DDX3X: variants seen among roughly 807,000 people sequenced by gnomAD.
The protein encoded by DDX3X is ATP-dependent RNA helicase DDX3X.
DDX3X carries 4 observed loss-of-function variants against 52.7 expected under a neutral mutation model. The observed-to-expected ratio is 0.08, with a 90% CI of 0.04 to 0.17. The LOEUF is 0.17. Ranked by LOEUF, DDX3X falls within the 10% of genes least tolerant of loss-of-function variation. DDX3X has a pLI of 1.00. For synonymous variants in DDX3X, 192 were observed against 178.1 expected, an observed-to-expected ratio of 1.08 and a Z score of -0.62; for missense variants, 222 against 548.6, an observed-to-expected ratio of 0.40 and a Z score of 5.95.
chrX:41,344,113 C>T lies in DDX3X; in HGVS notation c.849C>T (p.Tyr283=), dbSNP rs755636737. 28 of 1,200,958 alleles carry T rather than the reference C, an allele frequency of 2.3e-5. No individual in the cohort carries two copies. Among genetic ancestry groups the T allele is most frequent in the South Asian group, 1.1e-4 (6 of 55,320 alleles). The change falls in exon 9 of 17, where the codon TAC becomes TAT. Residue 283 remains tyrosine, a synonymous_variant. Transcript: ENST00000644876. ...CGAGAGAGTTGGCAGTACAGATCTA[C>T]GAGGAAGCCAGAAAAGTAAGTATGA... The part of the protein sequence containing the change: ...APTRELAVQI[Y]EEARKFSYRS...
chrX:41,363,490 A>C (rs1351875955), intron 5 of DDX3X, among the ~76,000 whole-genome samples: 1 of 106,682 alleles, frequency 9.4e-6, no homozygotes, highest in Non-Finnish European at 1.9e-5. Context: ...CTGTCACAAA[A>C]AATATAACTC....
intron 1 of DDX3X, 109 bp downstream of exon 1, chrX:41,334,406 T>A: frequency 8.8e-7 from 1 of 1,132,057 alleles, no homozygotes; most frequent in Non-Finnish European, 1.2e-6. Flanking sequence ...ATTTTCTGGG[T>A]GCCCCGGGCT....
At chrX:41,359,406 G>A (rs1300270770) in intron 5 of DDX3X, among the ~76,000 whole-genome samples, 1 of 107,238 alleles carries the variant, frequency 9.3e-6, no homozygotes, top group Non-Finnish European at 1.9e-5. Flanking sequence ...CTTGAGACCA[G>A]CCTGGCCAAC....
In DDX3X at chrX:41,342,563, A is replaced by T; in HGVS notation, c.353A>T (p.Lys118Ile). ...GSRGDRSGFGKFERGGNSRWC... is the reference protein window; with the variant it reads ...GSRGDRSGFGIFERGGNSRWC... ...CGTGGTGACAGAAGTGGCTTTGGCA[A>T]ATTTGAACGTGGTGGAAACAGTCGC... Residue 118 changes from lysine to isoleucine, a missense_variant, in exon 5 of 17, where the codon AAA becomes ATA. Physicochemically the swap from Lys to Ile is moderately radical, Grantham distance 102 (BLOSUM62 -3). Coordinates refer to ENST00000644876, the MANE Select transcript of DDX3X (RefSeq NM_001356.5). 8.3e-7 allele frequency: 1 copy of T among 1,211,964 alleles called. No homozygotes were observed. Among genetic ancestry groups the T allele is most frequent in the Non-Finnish European group, 1.1e-6 (1 of 895,543 alleles).
At chrX:41,358,156 C>A (rs2064016466) in intron 5 of DDX3X, among the ~76,000 whole-genome samples, 1 of 98,807 alleles carries the variant, frequency 1.0e-5, no homozygotes, top group African/African-American at 3.8e-5. Context: ...CTGCTCACCG[C>A]AACCTCCACC....
At chrX:41,334,999 G>A (rs1405341476) in intron 1 of DDX3X, 6 of 108,209 alleles carry the variant, frequency 5.5e-5, no homozygotes, top group African/African-American at 2.1e-4. Flanking sequence ...GGGGCCCTGC[G>A]CCGCAGCCGG....
intron 1 of DDX3X, 145 bp downstream of exon 1, chrX:41,334,442 T>C (rs377731877): frequency 4.5e-5 from 50 of 1,117,312 alleles, no homozygotes; most frequent in African/African-American, 3.5e-4. Context: ...CCCGGGGCTA[T>C]AGAGGGATAG....
chrX:41,354,690 A>G, downstream of DDX3X, among the ~76,000 whole-genome samples: 1 of 111,031 alleles, frequency 9.0e-6, no homozygotes, highest in East Asian at 2.8e-4. Context: ...ACCCCTGACA[A>G]CTACTTGTCT....
chrX:41,340,659 T>G, intron 3 of DDX3X: 1 of 281,771 alleles, frequency 3.5e-6, no homozygotes, highest in East Asian at 5.0e-5. Context: ...TCATCAAGCT[T>G]ATAGTAGATG....
intron 12 of DDX3X, 39 bp from the exon 13 acceptor site, chrX:41,346,190 C>T (rs1253822939): frequency 1.7e-6 from 2 of 1,144,278 alleles, no homozygotes; most frequent in Non-Finnish European, 2.4e-6. Context: ...GAGAACTAAG[C>T]CATGTTAGTG....
At chrX:41,341,361 T>G in intron 3 of DDX3X, 123 bp from the exon 4 acceptor site, 1 of 534,046 alleles carries the variant, frequency 1.9e-6, no homozygotes, top group Non-Finnish European at 2.9e-6. Flanking sequence ...ATCTTGGTTC[T>G]CTTACAGTGC....
downstream of DDX3X, among the ~76,000 whole-genome samples, chrX:41,353,805 T>TACAC (rs751213463): frequency 4.7e-4 from 48 of 101,627 alleles, no homozygotes; most frequent in African/African-American, 1.1e-3. Context: ...TACACACGCA[T>TACAC]ACACACACAC....
In DDX3X at chrX:41,343,858, C is replaced by G. The variant is rs781551353; in HGVS notation, c.765+36C>G. The G allele has an allele frequency of 2.7e-6, 3 of 1,127,279 alleles. No individual in the cohort carries two copies. The Admixed American group carries it at 6.9e-5, about 26-fold the overall frequency. 92.9% of individuals were successfully genotyped at this position (1,127,279 alleles called of 1,213,427 possible). On this transcript the variant is annotated intron_variant, in intron 8 of 16. Coordinates refer to ENST00000644876, the MANE Select transcript of DDX3X (RefSeq NM_001356.5). ...CTTTATAAAATGGGAAATTGTAGAA[C>G]TTTGTAGGTGGCCATTGAGAGGGCT...
chrX:41,344,739 A>G (rs2063900015), intron 10 of DDX3X, among the ~76,000 whole-genome samples: 1 of 112,264 alleles, frequency 8.9e-6, no homozygotes, highest in African/African-American at 3.2e-5. Context: ...CACCCGGCCA[A>G]GTATGTTAAT....
At chrX:41,357,077 G>C (rs1351169569) in intron 5 of DDX3X, among the ~76,000 whole-genome samples, 1 of 108,262 alleles carries the variant, frequency 9.2e-6, no homozygotes, top group African/African-American at 3.4e-5. Context: ...TGGATTACAG[G>C]TGTGCGCCAC....
chrX:41,347,616 C>G lies in DDX3X; in HGVS notation c.1910-24C>G, dbSNP rs762675283. The G allele has an allele frequency of 4.3e-6, 5 of 1,154,677 alleles. No individual in the cohort carries two copies. In the East Asian group the frequency reaches 1.2e-4, roughly 28 times the overall value. On this transcript the variant is annotated intron_variant, in intron 16 of 16. Coordinates refer to ENST00000644876, the MANE Select transcript of DDX3X (RefSeq NM_001356.5). ...ATGATGGATAACTTCATTAATTTCTCTCTCTTTTTAAATCTCTCATTAGGT... is the reference window on the plus strand; with the variant it reads ...ATGATGGATAACTTCATTAATTTCTGTCTCTTTTTAAATCTCTCATTAGGT...
chrX:41,354,030 T>C, downstream of DDX3X, among the ~76,000 whole-genome samples: 1 of 111,702 alleles, frequency 9.0e-6, no homozygotes, highest in East Asian at 2.8e-4. Context: ...TGCTTTATCC[T>C]TTCCTGAGCA....
At chrX:41,356,454 CTTTTTTTTT>C (rs760583439) in intron 5 of DDX3X, among the ~76,000 whole-genome samples, 9 of 65,654 alleles carry the variant, frequency 1.4e-4, no homozygotes, top group East Asian at 9.6e-4. Context: ...GCCAGTATTT[CTTTTTTTTT>C]TTTTTTTTTT....
chrX:41,344,669 C>T, intron 10 of DDX3X: 1 of 343,981 alleles, frequency 2.9e-6, no homozygotes, highest in Admixed American at 4.6e-5. Flanking sequence ...AACTCCTGAC[C>T]TCAGGTGATC....
Sources: allele counts gnomAD v4.1 joint callset (sites outside exome capture counted in the v4.1 genomes callset), GRCh38; gene constraint gnomAD v4.1.1; transcripts MANE v1.5; gene names NCBI Gene and HGNC (gene_info 2026-07-23, HGNC 2026-07-21).